The following ZNF823 variants were observed in gnomAD, a reference collection of about 807,000 sequenced individuals.
ZNF823 encodes zinc finger protein 823.
In ZNF823, 5 loss-of-function variants were observed where a neutral mutation model predicts 11.4. The ratio of observed to expected loss-of-function variants is 0.44; its 90% CI spans 0.23 to 0.92. The LOEUF (loss-of-function observed/expected upper bound fraction) is 0.92. Among genes scored for constraint, ZNF823 ranks in the 40% least tolerant of loss-of-function variants. The probability of loss-of-function intolerance (pLI) is 0.24; values close to 1 mark genes in which losing one functional copy is unlikely to be tolerated. For missense variants in ZNF823, 582 were observed against 738.5 expected (o/e 0.79, Z 2.46); for synonymous variants, 234 against 250.5 (o/e 0.93, Z 0.62).
chr19:11,722,469 AGT>A lies in ZNF823; in HGVS notation c.1063_1064del (p.Thr355TrpfsTer6). 1.2e-6 allele frequency: 2 copies of A among 1,614,144 alleles called. No individual in the cohort carries two copies. The highest frequency in any genetic ancestry group is 1.3e-5 in the African/African-American group (1 of 75,038). On this transcript the variant is annotated frameshift_variant, in exon 4 of 4. Coordinates refer to ENST00000341191, the MANE Select transcript of ZNF823 (RefSeq NM_001080493.4). LOFTEE classifies it low-confidence loss of function (END_TRUNC). This position sits in a 1 kb window ranked among gnomAD's most constrained non-coding sequence, Gnocchi z 5.2. ...GCTTACATTCATAGGGTTTCTCTCC[AGT>A]GTGAGTAGTTTCATGATTTCGAACT... ...SSVRNHETTHTGEKPYECKQC... is the reference protein window; with the variant it reads ...SSVRNHETTHXGEKPYECKQC...
rs767022113 is a variant in ZNF823 at position 11,722,963 on chromosome 19, G to A, written c.571C>T (p.Pro191Ser). 16 of 1,614,214 alleles carry A rather than the reference G, an allele frequency of 9.9e-6. No individual in the cohort carries two copies. Among genetic ancestry groups the A allele is most frequent in the African/African-American group, 1.3e-5 (1 of 75,054 alleles). The change falls in exon 4 of 4, where the codon CCT (proline) becomes TCT (serine). Residue 191 changes from proline to serine, a missense_variant. Coordinates refer to ENST00000341191, the MANE Select transcript of ZNF823 (RefSeq NM_001080493.4). The surrounding 1 kb of genome is among the most constrained non-coding windows in gnomAD (Gnocchi z 5.2). ...RHMAAHHGDG[P>S]YKCKLCGKAF... ...TTCCCACACAACTTACATTTATAAG[G>A]TCCATCTCCATGGTGTGCCGCCATG...
chr19:11,734,677 A>G (rs1974961087), intron 1 of ZNF823, among the ~76,000 whole-genome samples: 1 of 152,156 alleles, frequency 6.6e-6, no homozygotes, highest in Admixed American at 6.5e-5. Context: ...AGCTGGGACT[A>G]TAGGCGTGTG....
chr19:11,736,145 C>T (rs948091321), intron 1 of ZNF823, among the ~76,000 whole-genome samples: 5 of 152,168 alleles, frequency 3.3e-5, no homozygotes, highest in African/African-American at 1.2e-4. Flanking sequence ...CATTTTTCTG[C>T]AGTCATAAAG....
At chr19:11,731,227 G>A (rs1433535392) in intron 1 of ZNF823, among the ~76,000 whole-genome samples, 2 of 151,864 alleles carry the variant, frequency 1.3e-5, no homozygotes, top group African/African-American at 2.4e-5. Flanking sequence ...CAGGAGAATC[G>A]CTTGAACCCG....
intron 1 of ZNF823, among the ~76,000 whole-genome samples, chr19:11,738,116 C>A (rs1334725642): frequency 6.6e-6 from 1 of 152,212 alleles, no homozygotes; most frequent in Non-Finnish European, 1.5e-5. Flanking sequence ...CGCTGCCTCA[C>A]GGGGCCGCCT....
At position 11,722,269 on chromosome 19, in the gene ZNF823, C is replaced by T; in HGVS notation, c.1265G>A (p.Gly422Asp). 1.2e-6 allele frequency: 2 copies of T among 1,614,060 alleles called. No individual in the cohort carries two copies. Among genetic ancestry groups the T allele is most frequent in the Non-Finnish European group, 1.7e-6 (2 of 1,179,974 alleles). ...GGAACCGGCAAGACTGAAGGCTTTACCACATTGTTTACATTGATAGGGTTT... is the reference window on the plus strand; with the variant it reads ...GGAACCGGCAAGACTGAAGGCTTTATCACATTGTTTACATTGATAGGGTTT... ...GEKPYQCKQCGKAFSLAGSLR... is the reference protein window; with the variant it reads ...GEKPYQCKQCDKAFSLAGSLR... The change falls in exon 4 of 4, where the codon GGT becomes GAT. Residue 422 changes from glycine (G) to aspartate (D), a missense_variant. Transcript: ENST00000341191. The surrounding 1 kb of genome is among the most constrained non-coding windows in gnomAD (Gnocchi z 5.2).
At position 11,738,385 on chromosome 19, in the gene ZNF823, C is replaced by T. The variant is rs1173069928; in HGVS notation, c.3+432G>A. Reference sequence around the variant, plus strand: ...ACCCCACACTCCAGCCGTCCCTGTCCACACCTCTAAACACCCCATCCCCAA... The same window carrying T: ...ACCCCACACTCCAGCCGTCCCTGTCTACACCTCTAAACACCCCATCCCCAA... On this transcript the variant is annotated intron_variant, in intron 1 of 3. Transcript: ENST00000341191. Among the ~76,000 whole-genome samples the T allele has an allele frequency of 2.0e-5, 3 of 152,228 alleles. No individual in the cohort carries two copies. The East Asian group carries it at 5.8e-4, about 29-fold the overall frequency.
rs1490714304 is a variant in ZNF823 at position 11,722,232 on chromosome 19, A to C, written c.1302T>G (p.His434Gln). The C allele has an allele frequency of 6.2e-7, 1 of 1,613,908 alleles. No homozygotes were observed. Among genetic ancestry groups the C allele is most frequent in the Non-Finnish European group, 8.5e-7 (1 of 1,179,974 alleles). ...GTTTCACTCCAGTGTGAGTTGCTTC[A>C]TGTCTTCGAAGGGAACCGGCAAGAC... The part of the protein sequence containing the change: ...AFSLAGSLRR[H>Q]EATHTGVKPY... Residue 434 changes from histidine to glutamine, a missense_variant, in exon 4 of 4, where the codon CAT becomes CAG. Around this residue, in one of 3 missense-constraint regions of ZNF823, gnomAD observed 429 missense variants for 553.7 expected, o/e 0.77. Transcript: ENST00000341191. This position sits in a 1 kb window ranked among gnomAD's most constrained non-coding sequence, Gnocchi z 5.2.
chr19:11,730,819 C>A (rs2145215012), intron 1 of ZNF823: 1 of 152,116 alleles, frequency 6.6e-6, no homozygotes, highest in East Asian at 1.9e-4. Flanking sequence ...AGCACATTTC[C>A]CCCTATATGT....
intron 1 of ZNF823, among the ~76,000 whole-genome samples, chr19:11,728,513 T>C (rs1369185532): frequency 6.6e-6 from 1 of 152,186 alleles, no homozygotes; most frequent in Non-Finnish European, 1.5e-5. Flanking sequence ...GTGTGTTATA[T>C]GGGATGGGAG....
At chr19:11,724,331 C>A (rs1394989845) in intron 2 of ZNF823, 77 bp from the exon 3 acceptor site, 2 of 1,311,214 alleles carry the variant, frequency 1.5e-6, no homozygotes, top group Non-Finnish European at 2.1e-6. Flanking sequence ...ACGCGTACTG[C>A]AATCATGCAT....
At position 11,733,823 on chromosome 19, in the gene ZNF823, A is replaced by T. The variant is rs375505943; in HGVS notation, c.3+4994T>A. 1.4e-3 allele frequency among the ~76,000 whole-genome samples: 210 copies of T among 152,340 alleles called. 1 individual carries two copies. Among genetic ancestry groups the T allele is most frequent in the African/African-American group, 4.7e-3 (197 of 41,576 alleles). ...TGTCTTTCTCTAAGTCAGCCCCAACAGACTTTCAAATTTGTACAATATTCT... is the reference window on the plus strand; with the variant it reads ...TGTCTTTCTCTAAGTCAGCCCCAACTGACTTTCAAATTTGTACAATATTCT... On this transcript the variant is annotated intron_variant, in intron 1 of 3. Transcript: ENST00000341191.
chr19:11,728,780 G>A (rs10422221), intron 1 of ZNF823, among the ~76,000 whole-genome samples: 12,915 of 152,144 alleles, frequency 0.085, 1,186 homozygotes, highest in African/African-American at 0.23. Context: ...GAAAACAATT[G>A]ACATATGTAC....
rs1378996864 is a variant in ZNF823, at chr19:11,722,953, C to T, written c.581G>A (p.Cys194Tyr). The stretch of plus-strand genomic sequence containing the variant: ...AACAAAGGCTTTCCCACACAACTTA[C>T]ATTTATAAGGTCCATCTCCATGGTG... ...AAHHGDGPYKCKLCGKAFVWP... is the reference protein window; with the variant it reads ...AAHHGDGPYKYKLCGKAFVWP... The change falls in exon 4 of 4, where the codon TGT (cysteine) becomes TAT (tyrosine). Residue 194 changes from cysteine (C) to tyrosine (Y), a missense_variant. Transcript: ENST00000341191. This position sits in a 1 kb window ranked among gnomAD's most constrained non-coding sequence, Gnocchi z 5.2. 1 of 1,614,098 alleles carries T rather than the reference C, an allele frequency of 6.2e-7. No individual in the cohort carries two copies. Among genetic ancestry groups the T allele is most frequent in the Admixed American group, 1.7e-5 (1 of 60,002 alleles).
chr19:11,724,353 C>G (rs1305907421), intron 2 of ZNF823, 99 bp from the exon 3 acceptor site: 1 of 1,060,782 alleles, frequency 9.4e-7, no homozygotes, highest in Non-Finnish European at 1.3e-6. Context: ...ATTCATTCAC[C>G]AAAGTACATG....
intron 1 of ZNF823, among the ~76,000 whole-genome samples, chr19:11,726,866 G>A (rs1305263691): frequency 1.3e-5 from 2 of 152,176 alleles, no homozygotes; most frequent in Non-Finnish European, 2.9e-5. Context: ...AACGTTTCAC[G>A]TGTTTGGTTG....
Position 11,723,356 on chromosome 19 carries a change from G to A in ZNF823, c.192-14C>T. On this transcript the variant is annotated splice_polypyrimidine_tract_variant and intron_variant, in intron 3 of 3. Coordinates refer to ENST00000341191, the MANE Select transcript of ZNF823 (RefSeq NM_001080493.4). ...CATGTATGACTTCTGTAACAAATAA[G>A]AAATATATTACTAAAGGTTTGTTTA... The A allele has an allele frequency of 6.4e-7, 1 of 1,560,324 alleles. No individual in the cohort carries two copies. The highest frequency in any genetic ancestry group is 8.7e-7 in the Non-Finnish European group (1 of 1,153,252).
chr19:11,737,905 C>T (rs1975023891), intron 1 of ZNF823, among the ~76,000 whole-genome samples: 1 of 152,110 alleles, frequency 6.6e-6, no homozygotes, highest in Non-Finnish European at 1.5e-5. Flanking sequence ...GGAAACCGGT[C>T]ACCTTTGGGA....
rs1042402378 is a variant in ZNF823 at position 11,723,124 on chromosome 19, G to A, written c.410C>T (p.Thr137Ile). Reference sequence around the variant, plus strand: ...GATGGCTTTCCCACGTTGTTTATGTGTATATGGCTTCTCTCCATATTCCTG... The same window carrying A: ...GATGGCTTTCCCACGTTGTTTATGTATATATGGCTTCTCTCCATATTCCTG... ...EHQEYGEKPY[T>I]HKQRGKAISH... Residue 137 changes from threonine (T) to isoleucine (I), a missense_variant, in exon 4 of 4, where the codon ACA (threonine) becomes ATA (isoleucine). Coordinates refer to ENST00000341191, the MANE Select transcript of ZNF823 (RefSeq NM_001080493.4). 4 of 1,614,022 alleles carry A rather than the reference G, an allele frequency of 2.5e-6. No homozygotes were observed. In the African/African-American group the frequency reaches 4.0e-5, roughly 16 times the overall value.
Sources: gnomAD v4.1 joint callset for allele counts (sites outside exome capture counted in the v4.1 genomes callset) on GRCh38, gnomAD v4.1.1 for gene constraint, gnomAD v4.1.1 regional missense constraint, Gnocchi (gnomAD v3.1) non-coding constraint, MANE v1.5 for transcripts, NCBI Gene and HGNC (gene_info 2026-07-23, HGNC 2026-07-21) for gene names.